PSMD1: variants seen among roughly 807,000 people sequenced by gnomAD.
PSMD1 encodes 26S proteasome non-ATPase regulatory subunit 1.
A neutral mutation model predicts 119.0 loss-of-function variants in PSMD1; 18 were observed. The ratio of observed to expected loss-of-function variants is 0.15; its 90% CI spans 0.10 to 0.22. PSMD1 has a LOEUF of 0.22. Ranked by LOEUF, PSMD1 falls within the 10% of genes least tolerant of loss-of-function variation. The pLI, the probability that PSMD1 is intolerant of heterozygous loss-of-function variation, is 1.00. For missense variants in PSMD1, 702 were observed against 1,158.5 expected (o/e 0.61, Z 5.72); for synonymous variants, 374 against 396.6 (o/e 0.94, Z 0.68).
chr2:231,097,128 AAAG>A (rs770821412), intron 16 of PSMD1, among the ~76,000 whole-genome samples: 14 of 152,288 alleles, frequency 9.2e-5, no homozygotes, highest in Non-Finnish European at 1.5e-4. Context: ...TGATTTTCCA[AAAG>A]AAGAAGCTTC....
intron 12 of PSMD1, among the ~76,000 whole-genome samples, chr2:231,080,867 G>T (rs529159315): frequency 6.6e-6 from 1 of 152,310 alleles, no homozygotes; most frequent in South Asian, 2.1e-4. Context: ...CCAGGGCTGG[G>T]CACGGTGGCT....
intron 16 of PSMD1, chr2:231,123,467 C>T (rs1478116615): frequency 6.2e-7 from 1 of 1,614,054 alleles, no homozygotes; most frequent in East Asian, 2.2e-5. Flanking sequence ...ACCAGCAAAT[C>T]AGCCACCGCC....
chr2:231,066,223 G>A (rs1381259294), intron 4 of PSMD1, among the ~76,000 whole-genome samples: 1 of 152,180 alleles, frequency 6.6e-6, no homozygotes, highest in Non-Finnish European at 1.5e-5. Context: ...TGCTACAGTT[G>A]CTGGAAAAGT....
intron 4 of PSMD1, among the ~76,000 whole-genome samples, chr2:231,063,729 T>G (rs1283223613): frequency 6.6e-6 from 1 of 152,262 alleles, no homozygotes; most frequent in Admixed American, 6.5e-5. Context: ...AACTGATGGC[T>G]TAAAAGGATG....
intron 6 of PSMD1, among the ~76,000 whole-genome samples, chr2:231,071,174 A>G (rs569240176): frequency 6.6e-6 from 1 of 152,040 alleles, no homozygotes; most frequent in South Asian, 2.1e-4. Flanking sequence ...TTTAAAACTG[A>G]CATGAAAAAT....
chr2:231,101,259 T>G (rs1009789913), intron 16 of PSMD1, among the ~76,000 whole-genome samples: 1 of 152,204 alleles, frequency 6.6e-6, no homozygotes, highest in African/African-American at 2.4e-5. Context: ...GATAAGTTCC[T>G]TTACATTCCC....
At chr2:231,096,716 G>T (rs747637315) in intron 16 of PSMD1, among the ~76,000 whole-genome samples, 1 of 152,202 alleles carries the variant, frequency 6.6e-6, no homozygotes, top group African/African-American at 2.4e-5. Flanking sequence ...CTTGGACAAG[G>T]GAGGGGAAAG....
At chr2:231,133,185 G>A (rs1258084670) in intron 16 of PSMD1, among the ~76,000 whole-genome samples, 3 of 152,058 alleles carry the variant, frequency 2.0e-5, no homozygotes, top group Non-Finnish European at 4.4e-5. Context: ...TTGAGACAGT[G>A]TCTCACTCTG....
chr2:231,073,013 AC>A (rs1694076258), intron 7 of PSMD1, among the ~76,000 whole-genome samples: 1 of 152,042 alleles, frequency 6.6e-6, no homozygotes, highest in South Asian at 2.1e-4. Context: ...TCTCTCTTTC[AC>A]TTAAGCACTC....
At chr2:231,151,926 C>T (rs1387258897) in intron 18 of PSMD1, among the ~76,000 whole-genome samples, 1 of 151,114 alleles carries the variant, frequency 6.6e-6, no homozygotes, top group Non-Finnish European at 1.5e-5. Context: ...GATTCTCCTG[C>T]CTCAGCCTCC....
intron 21 of PSMD1, among the ~76,000 whole-genome samples, chr2:231,164,723 A>G (rs1006818421): frequency 6.6e-6 from 1 of 151,834 alleles, no homozygotes; most frequent in Non-Finnish European, 1.5e-5. Flanking sequence ...TAGGCTAACC[A>G]CTCACCCACT....
chr2:231,079,643 C>A, intron 11 of PSMD1, 29 bp downstream of exon 11: 3 of 1,396,916 alleles, frequency 2.1e-6, no homozygotes, highest in African/African-American at 1.5e-5. Flanking sequence ...TGTATACAGG[C>A]ATCAGAAAAG....
intron 17 of PSMD1, among the ~76,000 whole-genome samples, chr2:231,141,585 T>A (rs1696117546): frequency 7.2e-6 from 1 of 139,712 alleles, no homozygotes; most frequent in East Asian, 2.0e-4. Flanking sequence ...CCAGGCTAAT[T>A]TTTTTTTTTT....
At position 231,078,869 on chromosome 2, in the gene PSMD1, A is replaced by G. The variant is rs1361682409; in HGVS notation, c.1160+122A>G. ...GAGGGCAGTGATGCGATCTCGGCTC[A>G]CTGCAACTTCCATCTCCTGGGTTCA... is the stretch of plus-strand genomic sequence containing the variant. On this transcript the variant is annotated intron_variant, in intron 10 of 24. Coordinates refer to ENST00000308696, the MANE Select transcript of PSMD1 (RefSeq NM_002807.4). 1.0e-5 allele frequency: 6 copies of G among 602,244 alleles called. No individual in the cohort carries two copies. The African/African-American group carries it at 1.4e-4, about 14-fold the overall frequency. The allele number at this position is 602,244 out of a possible 1,614,324, so 37.3% of individuals were successfully genotyped here.
At chr2:231,063,743 C>T (rs1222951863) in intron 4 of PSMD1, among the ~76,000 whole-genome samples, 2 of 152,104 alleles carry the variant, frequency 1.3e-5, no homozygotes, top group African/African-American at 2.4e-5. Flanking sequence ...AAGGATGGAC[C>T]GTATTATTTG....
intron 16 of PSMD1, among the ~76,000 whole-genome samples, chr2:231,116,844 C>T (rs570398539): frequency 6.6e-6 from 1 of 152,000 alleles, no homozygotes; most frequent in Non-Finnish European, 1.5e-5. Flanking sequence ...AGAGATGAAT[C>T]TTTACAATTC....
rs1194484873 is a variant in PSMD1, at chr2:231,077,122, G to A, written c.1031G>A (p.Arg344Gln). Residue 344 changes from arginine to glutamine, a missense_variant, in exon 9 of 25, where the codon CGA becomes CAA. Arg to Gln is a conservative substitution (Grantham distance 43, BLOSUM62 1). Transcript: ENST00000308696. The part of the protein sequence containing the change: ...AIELHLQFLI[R>Q]NNNTDLMILK... ...GAGTTACATCTGCAGTTCTTAATACGAAACAATAATACAGACCTCATGATT... is the reference window on the plus strand; with the variant it reads ...GAGTTACATCTGCAGTTCTTAATACAAAACAATAATACAGACCTCATGATT... 7 of 1,588,590 alleles carry A rather than the reference G, an allele frequency of 4.4e-6. No individual in the cohort carries two copies. Among genetic ancestry groups the A allele is most frequent in the Non-Finnish European group, 6.0e-6 (7 of 1,161,984 alleles).
chr2:231,114,308 G>T (rs1440868236), intron 16 of PSMD1, among the ~76,000 whole-genome samples: 2 of 152,096 alleles, frequency 1.3e-5, no homozygotes, highest in African/African-American at 4.8e-5. Context: ...AGTAGCTGTT[G>T]TATAAAAAGA....
chr2:231,083,040 G>A lies in PSMD1; in HGVS notation c.1525+46G>A, dbSNP rs1230909751. Reference sequence around the variant, plus strand: ...CTAACAAGCTTAAGTATTAATTAATGTAAATGTAATTACATTAGTTTCTAC... The same window carrying A: ...CTAACAAGCTTAAGTATTAATTAATATAAATGTAATTACATTAGTTTCTAC... On this transcript the variant is annotated intron_variant, in intron 13 of 24. Coordinates refer to ENST00000308696, the MANE Select transcript of PSMD1 (RefSeq NM_002807.4). 3 of 1,382,384 alleles carry A rather than the reference G, an allele frequency of 2.2e-6. No individual in the cohort carries two copies. In the Admixed American group the frequency reaches 5.5e-5, roughly 25 times the overall value. 85.6% of individuals were successfully genotyped at this position (1,382,384 alleles called of 1,614,324 possible). A position where few individuals can be genotyped will look rare whatever the true frequency, so the allele number is the denominator to read the frequency against.
Sources: allele counts gnomAD v4.1 joint callset (sites outside exome capture counted in the v4.1 genomes callset), GRCh38; gene constraint gnomAD v4.1.1; transcripts MANE v1.5; gene names NCBI Gene and HGNC (gene_info 2026-07-23, HGNC 2026-07-21).